STK3: variants seen among roughly 807,000 people sequenced by gnomAD.
The protein encoded by STK3 is serine/threonine-protein kinase 3.
Under a neutral mutation model 58.0 loss-of-function variants are expected in STK3, and 41 were observed. That is an observed-to-expected ratio of 0.71 (90% confidence interval 0.55 to 0.92). STK3 has a LOEUF of 0.92. STK3 is among the 40% of genes least tolerant of loss of function. The pLI is 0.00. For missense variants in STK3, 479 were observed against 602.7 expected (o/e 0.79, Z 2.15); for synonymous variants, 170 against 191.0 (o/e 0.89, Z 0.91).
intron 1 of STK3, among the ~76,000 whole-genome samples, chr8:98,812,218 T>A (rs1834274572): frequency 6.6e-6 from 1 of 152,220 alleles, no homozygotes; most frequent in African/African-American, 2.4e-5. Context: ...TCTTAAAAAA[T>A]TCAACTAGAA....
At chr8:98,875,916 G>A (rs920927446) in intron 3 of STK3, among the ~76,000 whole-genome samples, 1 of 152,182 alleles carries the variant, frequency 6.6e-6, no homozygotes, top group African/African-American at 2.4e-5. Context: ...AATGGTAGAA[G>A]AGCCTTTATT....
chr8:98,735,695 C>T (rs914620621), intron 4 of STK3, among the ~76,000 whole-genome samples: 5 of 152,110 alleles, frequency 3.3e-5, no homozygotes, highest in Admixed American at 2.6e-4. Flanking sequence ...TACCACAATT[C>T]GTTACCAGCT....
intron 3 of STK3, among the ~76,000 whole-genome samples, chr8:98,864,320 ACT>A (rs1837051823): frequency 6.6e-6 from 1 of 152,082 alleles, no homozygotes; most frequent in Non-Finnish European, 1.5e-5. Context: ...TCAGCAATCA[ACT>A]TGTAAACCTG....
chr8:98,547,896 G>C, intron 9 of STK3, 73 bp downstream of exon 9: 1 of 1,331,224 alleles, frequency 7.5e-7, no homozygotes, highest in Middle Eastern at 2.3e-4. Context: ...AAGTAACACA[G>C]AACTAGCCTG....
At chr8:98,373,400 A>G (rs1817632986) in intron 2 of STK3, among the ~76,000 whole-genome samples, 1 of 152,210 alleles carries the variant, frequency 6.6e-6, no homozygotes, top group African/African-American at 2.4e-5. Flanking sequence ...ATGAAATGTC[A>G]TCAGTCATGA....
intron 1 of STK3, among the ~76,000 whole-genome samples, chr8:98,383,756 TTTTTGCTTTAAAGTAAA>T (rs1817762735): frequency 6.6e-6 from 1 of 152,246 alleles, no homozygotes; most frequent in Non-Finnish European, 1.5e-5. Flanking sequence ...TAGTGAATGT[TTTTTGCTTTAAAGTAAA>T]ACCAACCTTA....
chr8:98,906,988 A>AT (rs1838930014), intron 1 of STK3, among the ~76,000 whole-genome samples: 2 of 149,608 alleles, frequency 1.3e-5, no homozygotes, highest in African/African-American at 4.9e-5. Flanking sequence ...ATCTCTACCA[A>AT]TAAAAAAAAA....
At chr8:98,745,432 G>A (rs1829577085) in intron 4 of STK3, among the ~76,000 whole-genome samples, 1 of 152,040 alleles carries the variant, frequency 6.6e-6, no homozygotes, top group African/African-American at 2.4e-5. Flanking sequence ...TTCCACTTCT[G>A]GTAGTGATAA....
At chr8:98,552,954 A>T (rs1811295673) in intron 8 of STK3, among the ~76,000 whole-genome samples, 1 of 152,154 alleles carries the variant, frequency 6.6e-6, no homozygotes, top group African/African-American at 2.4e-5. Flanking sequence ...GGAGTTTGAG[A>T]TCTAAGGGAA....
At chr8:98,908,246 T>C (rs1396435245) in intron 1 of STK3, among the ~76,000 whole-genome samples, 3 of 152,214 alleles carry the variant, frequency 2.0e-5, no homozygotes, top group Non-Finnish European at 4.4e-5. Flanking sequence ...TAAGGAAAAA[T>C]GTTCTCTTAT....
chr8:98,868,786 T>C (rs1199802766), intron 3 of STK3, among the ~76,000 whole-genome samples: 1 of 151,608 alleles, frequency 6.6e-6, no homozygotes, highest in Non-Finnish European at 1.5e-5. Flanking sequence ...CTGGGCAGCA[T>C]AGTGAGACCT....
chr8:98,462,573 T>A (rs916089717), intron 10 of STK3, among the ~76,000 whole-genome samples: 1 of 151,336 alleles, frequency 6.6e-6, no homozygotes, highest in South Asian at 2.1e-4. Flanking sequence ...AGGTTGAGTT[T>A]ACAGGAAATC....
intron 1 of STK3, among the ~76,000 whole-genome samples, chr8:98,813,034 A>AT (rs1288086626): frequency 1.2e-4 from 9 of 76,994 alleles, no homozygotes; most frequent in East Asian, 4.0e-4. Context: ...TTAAAGCACA[A>AT]TAAAAAAAAA....
intron 7 of STK3, among the ~76,000 whole-genome samples, chr8:98,582,403 C>A (rs1315788099): frequency 6.6e-6 from 1 of 151,858 alleles, no homozygotes; most frequent in African/African-American, 2.4e-5. Flanking sequence ...TTCAAATCAT[C>A]CATTTTTCTT....
chr8:98,420,233 G>A lies in STK3; in HGVS notation n.483+13894C>T, dbSNP rs558640736. Among the ~76,000 whole-genome samples, 10 of 152,198 alleles carry A rather than the reference G, an allele frequency of 6.6e-5. No homozygotes were observed. In the South Asian group the frequency reaches 8.3e-4, roughly 13 times the overall value. On this transcript the variant is annotated intron_variant and non_coding_transcript_variant, in intron 3 of 3. Coordinates refer to the STK3 transcript ENST00000517832. Reference sequence around the variant, plus strand: ...GACAGCAATCCTCCCTTTGTCTGGCGAATCCATGCTACAGGTGCTCCCCAC... The same window carrying A: ...GACAGCAATCCTCCCTTTGTCTGGCAAATCCATGCTACAGGTGCTCCCCAC...
At chr8:98,837,326 G>A (rs1266844554) in intron 3 of STK3, among the ~76,000 whole-genome samples, 1 of 147,624 alleles carries the variant, frequency 6.8e-6, no homozygotes, top group East Asian at 2.0e-4. Flanking sequence ...ATTCAGAAAA[G>A]TGCTGTAGTT....
chr8:98,380,520 G>A (rs1315859287), intron 1 of STK3, among the ~76,000 whole-genome samples: 1 of 152,094 alleles, frequency 6.6e-6, no homozygotes, highest in East Asian at 1.9e-4. Flanking sequence ...TATTACCTTA[G>A]AATAGATGTT....
At chr8:98,758,099 AG>A (rs1830409723) in intron 3 of STK3, among the ~76,000 whole-genome samples, 1 of 152,248 alleles carries the variant, frequency 6.6e-6, no homozygotes, top group South Asian at 2.1e-4. Flanking sequence ...AAGATATTGC[AG>A]GTTTGATTCC....
At chr8:98,443,051 G>A (rs1394673997) in intron 1 of STK3, among the ~76,000 whole-genome samples, 1 of 151,454 alleles carries the variant, frequency 6.6e-6, no homozygotes, top group Non-Finnish European at 1.5e-5. Flanking sequence ...TAAAGCAGAT[G>A]TGAGGCATCT....
Sources: gnomAD v4.1 joint callset for allele counts (sites outside exome capture counted in the v4.1 genomes callset) on GRCh38, gnomAD v4.1.1 for gene constraint, MANE v1.5 for transcripts, NCBI Gene and HGNC (gene_info 2026-07-23, HGNC 2026-07-21) for gene names.